TTC7B: variants seen among roughly 807,000 people sequenced by gnomAD.
The protein encoded by TTC7B is tetratricopeptide repeat domain 7B.
In TTC7B, 28 loss-of-function variants were observed where a neutral mutation model predicts 106.8. The ratio of observed to expected loss-of-function variants is 0.26; its 90% CI spans 0.19 to 0.36. The LOEUF (loss-of-function observed/expected upper bound fraction) is 0.36. Ranked by LOEUF, TTC7B falls within the 10% of genes least tolerant of loss-of-function variation. The pLI, the probability that TTC7B is intolerant of heterozygous loss-of-function variation, is 1.00. For missense variants in TTC7B, 862 were observed against 1,076.4 expected, an observed-to-expected ratio of 0.80 and a Z score of 2.79; for synonymous variants, 405 against 430.6, an observed-to-expected ratio of 0.94 and a Z score of 0.74.
intron 15 of TTC7B, among the ~76,000 whole-genome samples, chr14:90,618,490 C>A (rs1055262587): frequency 1.3e-5 from 2 of 152,212 alleles, no homozygotes; most frequent in African/African-American, 4.8e-5. Flanking sequence ...GTCGTGTGAG[C>A]TTCGAAAGCC....
intron 18 of TTC7B, among the ~76,000 whole-genome samples, chr14:90,592,222 C>A (rs536751838): frequency 8.1e-4 from 124 of 152,288 alleles, no homozygotes; most frequent in African/African-American, 2.9e-3. Context: ...ATAATAAGCA[C>A]CCTTCTCAGC....
Position 90,531,394 on chromosome 14 carries a change from ACT to A in TTC7B, c.*9972_*9973del, listed in dbSNP as rs1398325682. On this transcript the variant is annotated 3_prime_UTR_variant, in exon 20 of 20. Coordinates refer to ENST00000328459, the MANE Select transcript of TTC7B (RefSeq NM_001010854.2). Reference sequence around the variant, plus strand: ...AGACCAGCCTGACCTACATGGTGAAACTCTGTCTCTACTAAGCACAAAAAATC... The same window carrying A: ...AGACCAGCCTGACCTACATGGTGAAACTGTCTCTACTAAGCACAAAAAATC... 2 of 152,000 alleles carry A rather than the reference ACT, an allele frequency of 1.3e-5. No individual in the cohort carries two copies. Among genetic ancestry groups the A allele is most frequent in the East Asian group, 1.9e-4 (1 of 5,192 alleles). 9.4% of individuals were successfully genotyped at this position (152,000 alleles called of 1,614,324 possible).
chr14:90,560,401 A>T (rs61986997), intron 19 of TTC7B, among the ~76,000 whole-genome samples: 12,162 of 152,318 alleles, frequency 0.08, 515 homozygotes, highest in Middle Eastern at 0.11. Flanking sequence ...ACTAGAGCAG[A>T]GACAACACAG....
In TTC7B at chr14:90,587,529, G is replaced by A. The variant is rs149295381; in HGVS notation, c.2107+5957C>T. 1.5e-3 allele frequency among the ~76,000 whole-genome samples: 228 copies of A among 152,320 alleles called. 1 individual carries two copies. Among genetic ancestry groups the A allele is most frequent in the African/African-American group, 5.2e-3 (216 of 41,570 alleles). Reference sequence around the variant, plus strand: ...CTGACCTGGTGCTAGTCACTGCTGAGGTCACTGCCCAAGTGTGTGCAGGCC... The same window carrying A: ...CTGACCTGGTGCTAGTCACTGCTGAAGTCACTGCCCAAGTGTGTGCAGGCC... On this transcript the variant is annotated intron_variant, in intron 18 of 19. Coordinates refer to ENST00000328459, the MANE Select transcript of TTC7B (RefSeq NM_001010854.2).
chr14:90,657,206 C>G lies in TTC7B; in HGVS notation c.1309G>C (p.Ala437Pro). Reference protein sequence around the residue: ...KPDDATIPLLAAKLCMGSLHW... With the variant: ...KPDDATIPLLPAKLCMGSLHW... ...AGGGAGCCCATGCAGAGCTTGGCAG[C>G]GAGGAGAGGGATGGTGGCATCGTCT... Residue 437 changes from alanine (A) to proline (P), a missense_variant, in exon 11 of 20, where the codon GCT becomes CCT. Coordinates refer to ENST00000328459, the MANE Select transcript of TTC7B (RefSeq NM_001010854.2). This position sits in a 1 kb window ranked among gnomAD's most constrained non-coding sequence, Gnocchi z 4.2. The G allele has an allele frequency of 6.2e-7, 1 of 1,614,044 alleles. No individual in the cohort carries two copies. Among genetic ancestry groups the G allele is most frequent in the Non-Finnish European group, 8.5e-7 (1 of 1,180,008 alleles).
At chr14:90,701,819 T>TAC (rs1257427401) in intron 5 of TTC7B, among the ~76,000 whole-genome samples, 1 of 147,880 alleles carries the variant, frequency 6.8e-6, no homozygotes, top group Non-Finnish European at 1.5e-5. Context: ...TATATATATA[T>TAC]ATGGAAAGAG....
chr14:90,604,574 G>C (rs969234346), intron 17 of TTC7B, among the ~76,000 whole-genome samples: 37 of 152,262 alleles, frequency 2.4e-4, no homozygotes, highest in Admixed American at 2.3e-3. Flanking sequence ...GGTTCTTTCT[G>C]GCAGCAGTTC....
chr14:90,695,452 T>G (rs560091802), intron 6 of TTC7B, 48 bp downstream of exon 6: 257 of 1,120,384 alleles, frequency 2.3e-4, no homozygotes, highest in Non-Finnish European at 2.9e-4. Flanking sequence ...TAAATACCTA[T>G]GAGACAAGTG....
intron 9 of TTC7B, among the ~76,000 whole-genome samples, chr14:90,672,843 T>C (rs974653869): frequency 2.6e-5 from 4 of 152,228 alleles, no homozygotes; most frequent in Non-Finnish European, 4.4e-5. Flanking sequence ...TGCAGCAGCA[T>C]ACAGTTGCCT....
intron 1 of TTC7B, among the ~76,000 whole-genome samples, chr14:90,786,907 A>G (rs1354711628): frequency 1.3e-5 from 2 of 152,138 alleles, no homozygotes; most frequent in Non-Finnish European, 2.9e-5. Context: ...TAACGTGGAG[A>G]GAGTTCAAGT....
chr14:90,533,056 G>A lies in TTC7B; in HGVS notation c.*8312C>T, dbSNP rs756940057. The A allele has an allele frequency of 3.6e-4, 55 of 153,124 alleles. No homozygotes were observed. Among genetic ancestry groups the A allele is most frequent in the African/African-American group, 1.2e-3 (51 of 41,450 alleles). 9.5% of individuals were successfully genotyped at this position (153,124 alleles called of 1,614,324 possible). ...TCCCCATTTCACAGATGAGGAAACC[G>A]AGGCTCAGAGAGGACTAGTGACTCA... On this transcript the variant is annotated 3_prime_UTR_variant, in exon 20 of 20. Coordinates refer to ENST00000328459, the MANE Select transcript of TTC7B (RefSeq NM_001010854.2).
rs1890350066 is a variant in TTC7B, at chr14:90,757,720, A to C, written c.446-12798T>G. 6.6e-6 allele frequency among the ~76,000 whole-genome samples: 1 copy of C among 152,206 alleles called. No homozygotes were observed. The highest frequency in any genetic ancestry group is 6.5e-5 in the Admixed American group (1 of 15,290). On this transcript the variant is annotated intron_variant, in intron 3 of 19. Transcript: ENST00000328459. The surrounding 1 kb of genome is among the most constrained non-coding windows in gnomAD (Gnocchi z 4.1). ...CTACGGCTCTAGGATGACACCTAGA[A>C]GATCATGGTCATTAGCAAATATCCA...
intron 1 of TTC7B, among the ~76,000 whole-genome samples, chr14:90,806,799 C>T (rs539577718): frequency 3.3e-5 from 5 of 152,220 alleles, no homozygotes; most frequent in African/African-American, 9.6e-5. Flanking sequence ...CCCAGCTACT[C>T]GGGAGGCTGC....
intron 19 of TTC7B, among the ~76,000 whole-genome samples, chr14:90,566,207 C>T (rs921436668): frequency 6.6e-6 from 1 of 151,926 alleles, no homozygotes; most frequent in Non-Finnish European, 1.5e-5. Context: ...CAAAAACTAG[C>T]TGGGCATGGT....
chr14:90,762,607 A>G (rs146700334), intron 3 of TTC7B, among the ~76,000 whole-genome samples: 6 of 152,370 alleles, frequency 3.9e-5, no homozygotes, highest in African/African-American at 1.4e-4. Context: ...TTGTCAATCA[A>G]TTGCAAATAT....
At chr14:90,666,161 A>AT (rs1886400698) in intron 9 of TTC7B, among the ~76,000 whole-genome samples, 1 of 152,064 alleles carries the variant, frequency 6.6e-6, no homozygotes, top group Non-Finnish European at 1.5e-5. Context: ...TTACTCCTAA[A>AT]TTTTTTATTG....
chr14:90,578,885 C>A lies in TTC7B; in HGVS notation c.2108-577G>T, dbSNP rs1891371945. Among the ~76,000 whole-genome samples, 1 of 152,174 alleles carries A rather than the reference C, an allele frequency of 6.6e-6. No individual in the cohort carries two copies. The highest frequency in any genetic ancestry group is 2.4e-5 in the African/African-American group (1 of 41,452). ...CCTCTGACCAGGGGAAGTTGATGCA[C>A]CCTGTAAACTCTTATCTGTGTCACA... On this transcript the variant is annotated intron_variant, in intron 18 of 19. Coordinates refer to ENST00000328459, the MANE Select transcript of TTC7B (RefSeq NM_001010854.2). This position sits in a 1 kb window ranked among gnomAD's most constrained non-coding sequence, Gnocchi z 4.7.
At chr14:90,619,499 A>G (rs1475081831) in intron 15 of TTC7B, among the ~76,000 whole-genome samples, 1 of 152,232 alleles carries the variant, frequency 6.6e-6, no homozygotes, top group African/African-American at 2.4e-5. Flanking sequence ...TAAGTCTTCA[A>G]GTTTTAACCC....
intron 8 of TTC7B, among the ~76,000 whole-genome samples, chr14:90,678,504 C>T (rs927054974): frequency 3.9e-5 from 6 of 152,180 alleles, no homozygotes; most frequent in African/African-American, 1.4e-4. Flanking sequence ...GGAAAAAAGG[C>T]TTCCAAAGGC....
Sources: allele counts gnomAD v4.1 joint callset (sites outside exome capture counted in the v4.1 genomes callset), GRCh38; gene constraint gnomAD v4.1.1; non-coding constraint Gnocchi (gnomAD v3.1); transcripts MANE v1.5; gene names NCBI Gene and HGNC (gene_info 2026-07-23, HGNC 2026-07-21).